Variants in PRUNE2 observed in about 807,000 individuals in gnomAD.
PRUNE2 encodes the protein protein prune homolog 2.
In PRUNE2, 164 loss-of-function variants were observed where a neutral mutation model predicts 252.0. That is an observed-to-expected ratio of 0.65 (90% CI 0.57 to 0.74). The LOEUF (loss-of-function observed/expected upper bound fraction) is 0.74. Ranked by LOEUF, PRUNE2 falls within the 30% of genes least tolerant of loss-of-function variation. PRUNE2 has a pLI of 0.00. For missense variants in PRUNE2, 3,495 were observed against 3,711.0 expected (o/e 0.94, Z 1.51); for synonymous variants, 1,292 against 1,350.2 (o/e 0.96, Z 0.94).
At chr9:76,848,538 G>T (rs993646878) in intron 3 of PRUNE2, among the ~76,000 whole-genome samples, 7 of 152,136 alleles carry the variant, frequency 4.6e-5, no homozygotes, top group Non-Finnish European at 7.3e-5. Context: ...TTCCTAAAAA[G>T]TTAAATACAA....
chr9:76,691,655 T>G (rs937712990), intron 9 of PRUNE2, among the ~76,000 whole-genome samples: 2 of 152,208 alleles, frequency 1.3e-5, no homozygotes, highest in African/African-American at 4.8e-5. Context: ...CTACCAGAGC[T>G]GTCCTGCTTG....
At chr9:76,616,091 C>A (rs2553211) in intron 18 of PRUNE2, among the ~76,000 whole-genome samples, 85,879 of 151,776 alleles carry the variant, frequency 0.57, 26,242 homozygotes, top group Non-Finnish European at 0.68. Context: ...TTGAAATGAG[C>A]AAATAGCTCT....
chr9:76,802,385 T>G (rs1040764363), intron 6 of PRUNE2, among the ~76,000 whole-genome samples: 3 of 152,178 alleles, frequency 2.0e-5, no homozygotes, highest in Non-Finnish European at 4.4e-5. Flanking sequence ...CTATGTTTAA[T>G]GTTCCTTAGA....
At chr9:76,774,453 T>TATTTATTTATTTATTTA (rs370472844) in intron 6 of PRUNE2, among the ~76,000 whole-genome samples, 4 of 122,224 alleles carry the variant, frequency 3.3e-5, no homozygotes, top group South Asian at 2.9e-4. Flanking sequence ...TTCAACCCTT[T>TATTTATTTATTTATTTA]TTTTTTTTTT....
At chr9:76,759,847 T>C (rs2130695741) in intron 6 of PRUNE2, 1 of 152,586 alleles carries the variant, frequency 6.6e-6, no homozygotes, top group Non-Finnish European at 1.5e-5. Context: ...CACCCAGCCC[T>C]AGATGCTACC....
intron 1 of PRUNE2, among the ~76,000 whole-genome samples, chr9:76,885,847 A>ATT (rs59132509): frequency 6.6e-6 from 1 of 151,188 alleles, no homozygotes; most frequent in African/African-American, 2.4e-5. Context: ...TATTTAGTGA[A>ATT]TTTTTTTTTT....
At chr9:76,696,084 C>T (rs2045354470) in intron 9 of PRUNE2, among the ~76,000 whole-genome samples, 1 of 152,096 alleles carries the variant, frequency 6.6e-6, no homozygotes, top group African/African-American at 2.4e-5. Flanking sequence ...CAGTACCCAC[C>T]CCAGTTGTGA....
intron 9 of PRUNE2, 66 bp downstream of exon 9, chr9:76,703,271 A>T: frequency 7.0e-7 from 1 of 1,424,364 alleles, no homozygotes; most frequent in Non-Finnish European, 9.4e-7. Context: ...ATAACCTCTA[A>T]CCATTTCCCA....
At position 76,644,551 on chromosome 9, in the gene PRUNE2, A is replaced by C. The variant is rs1843974910; in HGVS notation, c.8728+188T>G. 7.1e-6 allele frequency: 5 copies of C among 704,356 alleles called. No individual in the cohort carries two copies. In the East Asian group the frequency reaches 1.4e-4, roughly 19 times the overall value. 43.6% of individuals were successfully genotyped at this position (704,356 alleles called of 1,614,324 possible). On this transcript the variant is annotated intron_variant, in intron 12 of 18. Coordinates refer to ENST00000376718, the MANE Select transcript of PRUNE2 (RefSeq NM_015225.3). ...TTATATTGGAAAGTTGTCTTTGCCT[A>C]GTAGGATTTCAAATGTTTATTGAAT...
In PRUNE2 at chr9:76,696,920, G is replaced by T. The variant is rs193214504; in HGVS notation, c.8276+6417C>A. On this transcript the variant is annotated intron_variant, in intron 9 of 18. Transcript: ENST00000376718. ...CTGGGGTCTAGGAAGAATAACAGCCGTACTGCTCCTGTTCTTGGGCTACGC... is the reference window on the plus strand; with the variant it reads ...CTGGGGTCTAGGAAGAATAACAGCCTTACTGCTCCTGTTCTTGGGCTACGC... Among the ~76,000 whole-genome samples, 38 of 152,314 alleles carry T rather than the reference G, an allele frequency of 2.5e-4. No homozygotes were observed. In the East Asian group the frequency reaches 7.1e-3, roughly 29 times the overall value.
At chr9:76,901,985 T>C (rs2063204239) in intron 1 of PRUNE2, among the ~76,000 whole-genome samples, 2 of 152,096 alleles carry the variant, frequency 1.3e-5, no homozygotes, top group Admixed American at 6.5e-5. Context: ...TCATAGGGCA[T>C]GAGGGCTGCG....
At position 76,705,309 on chromosome 9, in the gene PRUNE2, A is replaced by G; in HGVS notation, c.6965T>C (p.Leu2322Pro). 1 of 1,614,018 alleles carries G rather than the reference A, an allele frequency of 6.2e-7. No homozygotes were observed. The change falls in exon 8 of 19, where the codon CTG becomes CCG. Residue 2322 changes from leucine (L) to proline (P), a missense_variant. By Grantham distance (98) the Leu-to-Pro change is moderately conservative (BLOSUM62 -3). Transcript: ENST00000376718. The stretch of plus-strand genomic sequence containing the variant: ...TTCCGGATGGCCTTCGGATAATGTC[A>G]GTTTACTCATGTCATCTATTGTTCC... ...STGTIDDMSKLTLSEGHPETP... is the reference protein window; with the variant it reads ...STGTIDDMSKPTLSEGHPETP...
intron 1 of PRUNE2, among the ~76,000 whole-genome samples, chr9:76,885,509 T>C (rs1044496735): frequency 6.6e-6 from 1 of 151,964 alleles, no homozygotes; most frequent in Non-Finnish European, 1.5e-5. Context: ...TGAAAGGAAA[T>C]AGGAAAGGGG....
At position 76,707,279 on chromosome 9, in the gene PRUNE2, A is replaced by AT. The variant is rs2046379031; in HGVS notation, c.4994dup (p.Asn1665LysfsTer2). On this transcript the variant is annotated frameshift_variant, in exon 8 of 19. Transcript: ENST00000376718. LOFTEE classifies it high-confidence loss of function. ...GCACAGTTGCAGAAATGTCATGTTC[A>AT]TTTTTCTCCTGGTAGCTAGCAATTA... The AT allele has an allele frequency of 6.2e-7, 1 of 1,613,814 alleles. No individual in the cohort carries two copies. Among genetic ancestry groups the AT allele is most frequent in the East Asian group, 2.2e-5 (1 of 44,872 alleles).
intron 6 of PRUNE2, among the ~76,000 whole-genome samples, chr9:76,735,127 C>A (rs574830893): frequency 8.5e-5 from 13 of 152,300 alleles, no homozygotes; most frequent in Admixed American, 7.2e-4. Flanking sequence ...CCTGATGGCA[C>A]ACTTGGAGTT....
Position 76,709,219 on chromosome 9 carries a change from A to ATGACTGTTTCAG in PRUNE2, c.3054_3055insCTGAAACAGTCA (p.Ser1018_Ser1019insLeuLysGlnSer), listed in dbSNP as rs1554716068. 3.1e-6 allele frequency: 5 copies of ATGACTGTTTCAG among 1,610,404 alleles called. No homozygotes were observed. The highest frequency in any genetic ancestry group is 4.2e-6 in the Non-Finnish European group (5 of 1,177,436). On this transcript the variant is annotated inframe_insertion, in exon 8 of 19. Coordinates refer to ENST00000376718, the MANE Select transcript of PRUNE2 (RefSeq NM_015225.3). ...GGACCTGAACTGATTCGATTTCGAGATGACTGTTGCAGTGACTGAGGAGGA... is the reference window on the plus strand; with the variant it reads ...GGACCTGAACTGATTCGATTTCGAGATGACTGTTTCAGTGACTGTTGCAGTGACTGAGGAGGA...
At chr9:76,793,575 T>G (rs2055765178) in intron 6 of PRUNE2, among the ~76,000 whole-genome samples, 9 of 152,142 alleles carry the variant, frequency 5.9e-5, no homozygotes, top group Admixed American at 5.9e-4. Flanking sequence ...CAGGTTCCAT[T>G]CAAACCAGAA....
At chr9:76,615,172 G>C (rs1434786436) in intron 18 of PRUNE2, 2 of 985,174 alleles carry the variant, frequency 2.0e-6, no homozygotes, top group Non-Finnish European at 2.4e-6. Flanking sequence ...AGTATCTGAG[G>C]AGTAAGCCTA....
intron 6 of PRUNE2, among the ~76,000 whole-genome samples, chr9:76,774,224 C>G (rs2053436318): frequency 6.6e-6 from 1 of 152,054 alleles, no homozygotes; most frequent in Non-Finnish European, 1.5e-5. Flanking sequence ...CAGCCTCAAC[C>G]TCCTAGGCTC....
Sources: allele counts gnomAD v4.1 joint callset (sites outside exome capture counted in the v4.1 genomes callset), GRCh38; gene constraint gnomAD v4.1.1; transcripts MANE v1.5; gene names NCBI Gene and HGNC (gene_info 2026-07-23, HGNC 2026-07-21).